Variants in BABAM2 observed in about 807,000 individuals in gnomAD.
BABAM2 encodes the protein BRISC and BRCA1-A complex member 2.
In BABAM2, 31 loss-of-function variants were observed where a neutral mutation model predicts 54.7. The observed-to-expected ratio is 0.57, with a 90% CI of 0.43 to 0.77. The LOEUF (loss-of-function observed/expected upper bound fraction) is 0.77, where lower values mean the gene tolerates loss of function less well. BABAM2 is among the 30% of genes least tolerant of loss of function. The pLI, the probability that BABAM2 is intolerant of heterozygous loss-of-function variation, is 0.00. For synonymous variants in BABAM2, 167 were observed against 162.9 expected (o/e 1.03, Z -0.19); for missense variants, 364 against 455.8 (o/e 0.80, Z 1.83).
At chr2:28,311,929 A>G (rs775281204) in intron 11 of BABAM2, among the ~76,000 whole-genome samples, 33 of 152,220 alleles carry the variant, frequency 2.2e-4, no homozygotes, top group Non-Finnish European at 4.1e-4. Flanking sequence ...GTGCACACAT[A>G]TGCCCTGAAC....
intron 3 of BABAM2, among the ~76,000 whole-genome samples, chr2:27,971,237 C>T (rs893364379): frequency 3.3e-5 from 5 of 152,030 alleles, no homozygotes; most frequent in Non-Finnish European, 7.4e-5. Context: ...GCAGAATCTC[C>T]TAACTCTTTT....
intron 7 of BABAM2, among the ~76,000 whole-genome samples, chr2:28,164,190 G>A (rs1673395373): frequency 6.6e-6 from 1 of 152,216 alleles, no homozygotes; most frequent in South Asian, 2.1e-4. Flanking sequence ...ATAAAATACA[G>A]TGTTGATGGA....
chr2:28,196,529 C>T (rs1222878518), intron 7 of BABAM2, among the ~76,000 whole-genome samples: 2 of 151,708 alleles, frequency 1.3e-5, no homozygotes, highest in South Asian at 2.1e-4. Flanking sequence ...TGAATTGACA[C>T]ACCAGTTTAT....
intron 4 of BABAM2, among the ~76,000 whole-genome samples, chr2:28,023,351 G>T (rs1423214755): frequency 2.0e-5 from 3 of 152,182 alleles, no homozygotes; most frequent in Non-Finnish European, 4.4e-5. Flanking sequence ...ACTTGACCAA[G>T]AAATGAAATA....
At chr2:28,098,188 A>G (rs2148704006) in intron 6 of BABAM2, among the ~76,000 whole-genome samples, 1 of 152,328 alleles carries the variant, frequency 6.6e-6, no homozygotes, top group East Asian at 1.9e-4. Flanking sequence ...TGGAGCAAAT[A>G]ATATTTCTTC....
At chr2:28,326,642 G>A (rs943111338) in intron 11 of BABAM2, among the ~76,000 whole-genome samples, 1 of 152,146 alleles carries the variant, frequency 6.6e-6, no homozygotes, top group Non-Finnish European at 1.5e-5. Flanking sequence ...ACTGGCTCAC[G>A]CTCCGCCTAC....
chr2:28,237,140 G>C (rs1006125023), intron 7 of BABAM2, 62 bp from the exon 8 acceptor site: 3 of 1,412,308 alleles, frequency 2.1e-6, no homozygotes, highest in Admixed American at 3.4e-5. Context: ...CTGCTTGGGG[G>C]TGTCACTTCT....
intron 10 of BABAM2, among the ~76,000 whole-genome samples, chr2:28,249,383 C>T (rs952613540): frequency 1.3e-5 from 2 of 152,058 alleles, no homozygotes; most frequent in Non-Finnish European, 2.9e-5. Flanking sequence ...GCCACTGCAC[C>T]CTGCCCTAAG....
chr2:28,232,185 G>A (rs1681476179), intron 7 of BABAM2, among the ~76,000 whole-genome samples: 1 of 152,080 alleles, frequency 6.6e-6, no homozygotes, highest in African/African-American at 2.4e-5. Context: ...CTTGATAGAA[G>A]CAAGAATTAT....
At chr2:28,148,608 A>G (rs6707039) in intron 7 of BABAM2, among the ~76,000 whole-genome samples, 10,868 of 152,186 alleles carry the variant, frequency 0.071, 451 homozygotes, top group East Asian at 0.15. Flanking sequence ...GCCAGGAGCT[A>G]GCAGTGATCT....
chr2:28,306,638 T>G (rs1558516994), intron 11 of BABAM2, among the ~76,000 whole-genome samples: 5 of 152,122 alleles, frequency 3.3e-5, no homozygotes, highest in Admixed American at 2.6e-4. Context: ...GACCTTGGGT[T>G]TTTTAATGTA....
intron 7 of BABAM2, among the ~76,000 whole-genome samples, chr2:28,201,129 C>A (rs1678226234): frequency 6.6e-6 from 1 of 152,086 alleles, no homozygotes; most frequent in Admixed American, 6.5e-5. Context: ...AACCAAGGAT[C>A]CGTGTCCTGT....
At chr2:28,256,990 C>T (rs532928314) in intron 10 of BABAM2, among the ~76,000 whole-genome samples, 19 of 152,118 alleles carry the variant, frequency 1.2e-4, no homozygotes, top group Non-Finnish European at 2.5e-4. Flanking sequence ...ACACCACGCC[C>T]GGCCTGGACA....
intron 2 of BABAM2, among the ~76,000 whole-genome samples, chr2:27,920,630 C>T (rs1478191078): frequency 6.6e-6 from 1 of 152,124 alleles, no homozygotes; most frequent in Non-Finnish European, 1.5e-5. Flanking sequence ...AGACTTCCTT[C>T]TCAGCTGATG....
intron 10 of BABAM2, among the ~76,000 whole-genome samples, chr2:28,249,479 C>A (rs1372330897): frequency 6.6e-6 from 1 of 152,114 alleles, no homozygotes; most frequent in Admixed American, 6.5e-5. Flanking sequence ...GTTTGCAAGA[C>A]CTAAAATATT....
intron 2 of BABAM2, among the ~76,000 whole-genome samples, chr2:27,900,674 C>G (rs1665709619): frequency 6.6e-6 from 1 of 151,992 alleles, no homozygotes; most frequent in Admixed American, 6.5e-5. Flanking sequence ...TTTTTATTGG[C>G]CTGATAGTGT....
intron 10 of BABAM2, among the ~76,000 whole-genome samples, chr2:28,268,087 T>A (rs1156729784): frequency 1.3e-5 from 2 of 152,202 alleles, no homozygotes; most frequent in Non-Finnish European, 2.9e-5. Context: ...AGAATTTTTA[T>A]ATAAAGAGCT....
chr2:28,314,775 T>C (rs999847813), intron 11 of BABAM2, among the ~76,000 whole-genome samples: 2 of 151,438 alleles, frequency 1.3e-5, no homozygotes, highest in African/African-American at 4.9e-5. Context: ...GAAAGAAGAT[T>C]ATGTCTGTTT....
chr2:28,263,659 G>T (rs549778141), intron 10 of BABAM2, among the ~76,000 whole-genome samples: 1 of 152,348 alleles, frequency 6.6e-6, no homozygotes, highest in South Asian at 2.1e-4. Flanking sequence ...GGGGAGCACA[G>T]TACAACTGTA....
Sources: gnomAD v4.1 joint callset for allele counts (sites outside exome capture counted in the v4.1 genomes callset) on GRCh38, gnomAD v4.1.1 for gene constraint, MANE v1.5 for transcripts, NCBI Gene and HGNC (gene_info 2026-07-23, HGNC 2026-07-21) for gene names.